Variants in SCAPER observed in about 807,000 individuals in gnomAD.
The protein encoded by SCAPER is S-phase cyclin A associated protein in the ER.
In SCAPER, 98 loss-of-function variants were observed where a neutral mutation model predicts 182.2. The ratio of observed to expected loss-of-function variants is 0.54; its 90% CI spans 0.46 to 0.64. SCAPER has a LOEUF of 0.64. SCAPER is among the 30% of genes least tolerant of loss of function. The probability of loss-of-function intolerance (pLI) is 0.00; values close to 1 mark genes in which losing one functional copy is unlikely to be tolerated. For synonymous variants in SCAPER, 605 were observed against 564.6 expected (o/e 1.07, Z -1.01); for missense variants, 1,432 against 1,690.0 (o/e 0.85, Z 2.68).
chr15:76,733,041 C>A (rs2061016985), intron 16 of SCAPER, among the ~76,000 whole-genome samples, 188 bp downstream of exon 16: 1 of 152,170 alleles, frequency 6.6e-6, no homozygotes, highest in African/African-American at 2.4e-5. Context: ...AGGGCCACTA[C>A]CGGTCTCCAC....
intron 23 of SCAPER, among the ~76,000 whole-genome samples, chr15:76,537,561 A>C (rs1567386752): frequency 6.6e-6 from 1 of 152,168 alleles, no homozygotes; most frequent in Non-Finnish European, 1.5e-5. Flanking sequence ...TTATACAAAA[A>C]TTAATTCAAG....
chr15:76,496,577 C>T lies in SCAPER; in HGVS notation c.2954+8282G>A, dbSNP rs7175175. Among the ~76,000 whole-genome samples, 668 of 152,198 alleles carry T rather than the reference C, an allele frequency of 4.4e-3. 7 individuals are homozygous for T. The highest frequency in any genetic ancestry group is 0.015 in the African/African-American group (636 of 41,518). Reference sequence around the variant, plus strand: ...CTTTTTAAGTGTGTTTACCTTAGGACCTAGGGATAGTAAGTTTAATGAATG... The same window carrying T: ...CTTTTTAAGTGTGTTTACCTTAGGATCTAGGGATAGTAAGTTTAATGAATG... On this transcript the variant is annotated intron_variant, in intron 24 of 31. Transcript: ENST00000563290.
At chr15:76,880,484 G>A (rs916776491) in intron 2 of SCAPER, among the ~76,000 whole-genome samples, 3 of 152,152 alleles carry the variant, frequency 2.0e-5, no homozygotes, top group African/African-American at 4.8e-5. Flanking sequence ...CAAGAATTCT[G>A]CAAGTACAGT....
chr15:76,742,630 T>C (rs2061609888), intron 15 of SCAPER, among the ~76,000 whole-genome samples: 1 of 151,914 alleles, frequency 6.6e-6, no homozygotes, highest in Non-Finnish European at 1.5e-5. Context: ...AAATCAGGTT[T>C]TGAATAACTC....
intron 23 of SCAPER, among the ~76,000 whole-genome samples, chr15:76,513,651 T>C (rs1319530216): frequency 6.6e-6 from 1 of 152,186 alleles, no homozygotes; most frequent in African/African-American, 2.4e-5. Context: ...GCACTTCTTA[T>C]ACAGTGCTCT....
At chr15:76,846,257 G>A (rs913686905) in intron 4 of SCAPER, among the ~76,000 whole-genome samples, 6 of 151,958 alleles carry the variant, frequency 3.9e-5, no homozygotes, top group Admixed American at 3.3e-4. Flanking sequence ...AAAACATTGG[G>A]GAAAATCTCC....
intron 23 of SCAPER, among the ~76,000 whole-genome samples, chr15:76,508,699 T>C (rs751142018): frequency 3.2e-4 from 49 of 152,294 alleles, no homozygotes; most frequent in Middle Eastern, 6.8e-3. Flanking sequence ...TTTAAAAATT[T>C]AATTCAGGTA....
At chr15:76,903,794 G>A (rs894274803) in intron 1 of SCAPER, among the ~76,000 whole-genome samples, 3 of 152,116 alleles carry the variant, frequency 2.0e-5, no homozygotes, top group Non-Finnish European at 2.9e-5. Context: ...CATGGGCTAG[G>A]AACAGTTCTC....
rs16968565 is a variant in SCAPER, at chr15:76,879,942, T to G, written c.6+3870A>C. 4.0e-3 allele frequency among the ~76,000 whole-genome samples: 604 copies of G among 152,344 alleles called. 5 individuals are homozygous for G. The highest frequency in any genetic ancestry group is 0.012 in the African/African-American group (515 of 41,590). On this transcript the variant is annotated intron_variant, in intron 2 of 31. Transcript: ENST00000563290. ...CTGAAGGACTAGGTTTTGTTCACTA[T>G]TCTCACTGTGTAGGATGGTGTCTGG...
chr15:76,668,997 T>C (rs2056821550), intron 20 of SCAPER, among the ~76,000 whole-genome samples: 1 of 152,154 alleles, frequency 6.6e-6, no homozygotes, highest in Admixed American at 6.5e-5. Context: ...ATGAGAAAAC[T>C]TGGACACAAA....
chr15:76,581,372 T>C (rs2048258454), intron 22 of SCAPER, among the ~76,000 whole-genome samples: 1 of 152,072 alleles, frequency 6.6e-6, no homozygotes, highest in Admixed American at 6.5e-5. Context: ...AAACAATAGG[T>C]CAATATCCCT....
intron 21 of SCAPER, among the ~76,000 whole-genome samples, chr15:76,660,713 T>C (rs1200666673): frequency 6.6e-6 from 1 of 152,138 alleles, no homozygotes; most frequent in Non-Finnish European, 1.5e-5. Context: ...TTCTGTATTT[T>C]ACTGAGGGTA....
At chr15:76,423,702 T>G (rs2046220504) in intron 26 of SCAPER, among the ~76,000 whole-genome samples, 1 of 152,250 alleles carries the variant, frequency 6.6e-6, no homozygotes, top group South Asian at 2.1e-4. Flanking sequence ...GTTCTTTTAA[T>G]TGTGATGTTA....
chr15:76,877,240 T>C (rs1351817325), intron 2 of SCAPER, among the ~76,000 whole-genome samples: 2 of 150,042 alleles, frequency 1.3e-5, no homozygotes, highest in Admixed American at 6.6e-5. Context: ...AGAGCCAGCT[T>C]AAAGTCTCCC....
intron 23 of SCAPER, among the ~76,000 whole-genome samples, chr15:76,565,085 T>C (rs1419919556): frequency 2.6e-5 from 4 of 152,002 alleles, no homozygotes; most frequent in Admixed American, 2.0e-4. Flanking sequence ...ACCTAGGCAA[T>C]ACCATTCAGG....
At chr15:76,660,790 T>C (rs1052274723) in intron 21 of SCAPER, among the ~76,000 whole-genome samples, 1 of 152,006 alleles carries the variant, frequency 6.6e-6, no homozygotes, top group Non-Finnish European at 1.5e-5. Flanking sequence ...AACTTTTCAC[T>C]CCCAGATACC....
At chr15:76,745,357 G>C (rs2061740666) in intron 15 of SCAPER, among the ~76,000 whole-genome samples, 2 of 152,156 alleles carry the variant, frequency 1.3e-5, no homozygotes, top group African/African-American at 4.8e-5. Context: ...GCTGAGGCGG[G>C]AGAATGGCTT....
At chr15:76,559,433 C>T (rs1033096475) in intron 23 of SCAPER, among the ~76,000 whole-genome samples, 1 of 151,972 alleles carries the variant, frequency 6.6e-6, no homozygotes, top group South Asian at 2.1e-4. Flanking sequence ...AAATAAGGTG[C>T]CTTGCTTCCC....
At chr15:76,543,431 A>G (rs1203015783) in intron 23 of SCAPER, among the ~76,000 whole-genome samples, 4 of 152,206 alleles carry the variant, frequency 2.6e-5, no homozygotes, top group African/African-American at 9.7e-5. Context: ...TCAGCAATGA[A>G]TTACTGATGG....
Sources: allele counts gnomAD v4.1 joint callset (sites outside exome capture counted in the v4.1 genomes callset), GRCh38; gene constraint gnomAD v4.1.1; transcripts MANE v1.5; gene names NCBI Gene and HGNC (gene_info 2026-07-23, HGNC 2026-07-21).